The following SNX30 variants were observed in gnomAD, a reference collection of about 807,000 sequenced individuals.
SNX30 encodes the protein sorting nexin-30.
Under a neutral mutation model 46.4 loss-of-function variants are expected in SNX30, and 24 were observed. That is an observed-to-expected ratio of 0.52 (90% CI 0.37 to 0.73). SNX30 has a LOEUF of 0.73. Ranked by LOEUF, SNX30 falls within the 30% of genes least tolerant of loss-of-function variation. The probability of loss-of-function intolerance (pLI) is 0.00; values close to 1 mark genes in which losing one functional copy is unlikely to be tolerated. For synonymous variants in SNX30, 189 were observed against 211.5 expected (o/e 0.89, Z 0.92); for missense variants, 533 against 555.7 (o/e 0.96, Z 0.41).
downstream of SNX30, among the ~76,000 whole-genome samples, chr9:112,881,837 G>C (rs527932062): frequency 8.9e-4 from 135 of 152,324 alleles, no homozygotes; most frequent in African/African-American, 2.9e-3. Flanking sequence ...AATATAGGAA[G>C]CTCTGGGAGC....
At chr9:112,821,447 A>C (rs1283971036) in intron 3 of SNX30, among the ~76,000 whole-genome samples, 2 of 151,784 alleles carry the variant, frequency 1.3e-5, no homozygotes, top group African/African-American at 4.8e-5. Context: ...ATATATGTGT[A>C]TATATGTGTG....
intron 1 of SNX30, among the ~76,000 whole-genome samples, chr9:112,797,856 G>T (rs1026914931): frequency 1.4e-5 from 2 of 144,888 alleles, no homozygotes; most frequent in Non-Finnish European, 3.0e-5. Flanking sequence ...ACGCCACCGT[G>T]CCCAGCTAAT....
chr9:112,843,713 C>T (rs1360708551), intron 6 of SNX30, among the ~76,000 whole-genome samples: 1 of 150,310 alleles, frequency 6.7e-6, no homozygotes. Context: ...CTTCCCGCTT[C>T]AAGCGATTCT....
chr9:112,790,528 GGATCT>G (rs977488958), intron 1 of SNX30, among the ~76,000 whole-genome samples: 1 of 152,172 alleles, frequency 6.6e-6, no homozygotes, highest in African/African-American at 2.4e-5. Flanking sequence ...GGCTCTTAAA[GGATCT>G]GCTCTGATCC....
chr9:112,786,738 A>G (rs62576392), intron 1 of SNX30, among the ~76,000 whole-genome samples: 11,720 of 151,762 alleles, frequency 0.077, 570 homozygotes, highest in Non-Finnish European at 0.11. Flanking sequence ...TTGTGGGCTC[A>G]AGCAATCTGC....
At chr9:112,792,644 T>G (rs779590315) in intron 1 of SNX30, among the ~76,000 whole-genome samples, 25 of 152,208 alleles carry the variant, frequency 1.6e-4, no homozygotes, top group Non-Finnish European at 3.4e-4. Flanking sequence ...CAGGCTGGTC[T>G]TGAGCTCCTG....
chr9:112,867,366 C>T (rs62653647), intron 8 of SNX30, among the ~76,000 whole-genome samples: 68,377 of 98,744 alleles, frequency 0.69, 21,824 homozygotes, highest in Non-Finnish European at 0.75. Flanking sequence ...CCTCAGAATT[C>T]CTCCTCCCTC....
Position 112,838,697 on chromosome 9 carries a change from G to A in SNX30, c.1014G>A (p.Lys338=). The A allele has an allele frequency of 6.2e-7, 1 of 1,613,432 alleles. No individual in the cohort carries two copies. Among genetic ancestry groups the A allele is most frequent in the Middle Eastern group, 1.7e-4 (1 of 6,048 alleles). ...REYILYSDSM[K]SVLKKRDQVQ... is the part of the protein sequence containing the mutation. ...ATATTTTATACTCTGACTCCATGAAGGTAAGCTGGCTTGCTTCTTGTGTAT... is the reference window on the plus strand; with the variant it reads ...ATATTTTATACTCTGACTCCATGAAAGTAAGCTGGCTTGCTTCTTGTGTAT... The change falls in exon 6 of 9, where the codon AAG becomes AAA. Residue 338 remains lysine, a splice_region_variant and synonymous_variant. Transcript: ENST00000374232.
intron 1 of SNX30, among the ~76,000 whole-genome samples, chr9:112,759,685 C>A (rs1016622619): frequency 1.3e-5 from 2 of 150,466 alleles, no homozygotes; most frequent in African/African-American, 4.9e-5. Flanking sequence ...GCTGAGATTG[C>A]GCCACTGCAC....
At chr9:112,882,042 G>A (rs1841583841), downstream of SNX30, among the ~76,000 whole-genome samples, 1 of 151,988 alleles carries the variant, frequency 6.6e-6, no homozygotes, top group Non-Finnish European at 1.5e-5. Flanking sequence ...GGTGAGAGAG[G>A]GTGGCCAGGC....
At chr9:112,770,392 C>A (rs565773321) in intron 1 of SNX30, among the ~76,000 whole-genome samples, 1 of 151,770 alleles carries the variant, frequency 6.6e-6, no homozygotes, top group Non-Finnish European at 1.5e-5. Context: ...AGGCTGGTCT[C>A]GAACTCCCGA....
intron 4 of SNX30, 148 bp downstream of exon 4, chr9:112,831,031 G>A: frequency 1.3e-6 from 1 of 772,576 alleles, no homozygotes; most frequent in Non-Finnish European, 1.9e-6. Context: ...CCAGCTACCT[G>A]GGAGGCTAAG....
chr9:112,862,774 G>C (rs573012454), intron 7 of SNX30, among the ~76,000 whole-genome samples: 14 of 151,854 alleles, frequency 9.2e-5, no homozygotes, highest in Non-Finnish European at 1.6e-4. Flanking sequence ...TGTTGCCCAG[G>C]CTGGTCTCAA....
intron 1 of SNX30, among the ~76,000 whole-genome samples, chr9:112,779,581 G>C (rs1468151244): frequency 6.6e-6 from 1 of 152,124 alleles, no homozygotes; most frequent in African/African-American, 2.4e-5. Flanking sequence ...TGTAGTCCCA[G>C]CTACTTAAGA....
chr9:112,833,236 A>G (rs1351253300), intron 4 of SNX30, among the ~76,000 whole-genome samples: 2 of 152,098 alleles, frequency 1.3e-5, no homozygotes, highest in Non-Finnish European at 2.9e-5. Flanking sequence ...TTCCTTTAAC[A>G]TACCTTGAAT....
Position 112,780,897 on chromosome 9 carries a change from T to G in SNX30, c.157-23879T>G, listed in dbSNP as rs534071738. 2.6e-5 allele frequency among the ~76,000 whole-genome samples: 4 copies of G among 152,362 alleles called. No individual in the cohort carries two copies. The East Asian group carries it at 7.7e-4, about 29-fold the overall frequency. On this transcript the variant is annotated intron_variant, in intron 1 of 8. Coordinates refer to ENST00000374232, the MANE Select transcript of SNX30 (RefSeq NM_001012994.2). ...TCCCCGGCTTAGACATTGATGACGC[T>G]TAGCCATGGCTGAAAATTGAAGGTG...
intron 1 of SNX30, among the ~76,000 whole-genome samples, chr9:112,780,679 C>A (rs1839831756): frequency 6.6e-6 from 1 of 152,182 alleles, no homozygotes. Context: ...CAGCATTTGT[C>A]TGACTGCCAC....
downstream of SNX30, among the ~76,000 whole-genome samples, chr9:112,884,721 G>A (rs111290121): frequency 0.012 from 1,766 of 152,278 alleles, 29 homozygotes; most frequent in African/African-American, 0.04. Context: ...CTGCATAAGC[G>A]CTCAATCAGT....
downstream of SNX30, among the ~76,000 whole-genome samples, chr9:112,882,396 T>C (rs146951196): frequency 6.6e-6 from 1 of 152,134 alleles, no homozygotes; most frequent in South Asian, 2.1e-4. Context: ...TGTGAGCCAC[T>C]GCACCCAGCC....
Sources: gnomAD v4.1 joint callset for allele counts (sites outside exome capture counted in the v4.1 genomes callset) on GRCh38, gnomAD v4.1.1 for gene constraint, MANE v1.5 for transcripts, NCBI Gene and HGNC (gene_info 2026-07-23, HGNC 2026-07-21) for gene names.